Variants in TAF3 observed in about 807,000 individuals in gnomAD.
TAF3 encodes TATA-box binding protein associated factor 3.
In TAF3, 7 loss-of-function variants were observed where a neutral mutation model predicts 80.6. The observed-to-expected ratio is 0.09, with a 90% CI of 0.05 to 0.16. The LOEUF (loss-of-function observed/expected upper bound fraction) is 0.16. TAF3 is among the 10% of genes least tolerant of loss of function. The probability of loss-of-function intolerance (pLI) is 1.00; values close to 1 mark genes in which losing one functional copy is unlikely to be tolerated. For synonymous variants in TAF3, 444 were observed against 446.1 expected (o/e 1.00, Z 0.06); for missense variants, 921 against 1,140.2 (o/e 0.81, Z 2.77).
chr10:8,007,198 A>G (rs1055283150), intron 4 of TAF3, among the ~76,000 whole-genome samples: 2 of 152,222 alleles, frequency 1.3e-5, no homozygotes, highest in African/African-American at 4.8e-5. Context: ...GGAATACAAT[A>G]TAGTAATTAG....
At chr10:7,846,953 T>C (rs1450228296) in intron 2 of TAF3, among the ~76,000 whole-genome samples, 1 of 152,216 alleles carries the variant, frequency 6.6e-6, no homozygotes, top group African/African-American at 2.4e-5. Context: ...CAAGAATAGA[T>C]TAAAAAGGAC....
chr10:7,829,029 CAAAAAAAAAAAAAA>C (rs59969868), intron 2 of TAF3, among the ~76,000 whole-genome samples: 8 of 66,812 alleles, frequency 1.2e-4, no homozygotes, highest in Admixed American at 7.3e-4. Flanking sequence ...GACTCCGTCT[CAAAAAAAAAAAAAA>C]AAAAAAAAAA....
intron 2 of TAF3, among the ~76,000 whole-genome samples, chr10:7,937,092 G>A (rs1008504398): frequency 3.3e-5 from 5 of 152,234 alleles, no homozygotes; most frequent in East Asian, 3.9e-4. Flanking sequence ...CCAAATGAGC[G>A]ACCTCTTCAT....
At chr10:7,929,080 A>G (rs1366869400) in intron 2 of TAF3, among the ~76,000 whole-genome samples, 1 of 152,062 alleles carries the variant, frequency 6.6e-6, no homozygotes, top group African/African-American at 2.4e-5. Flanking sequence ...TTTTTAAGGG[A>G]GGTTTTTGCC....
intron 2 of TAF3, among the ~76,000 whole-genome samples, chr10:7,895,969 G>A (rs1837500444): frequency 6.6e-6 from 1 of 152,096 alleles, no homozygotes; most frequent in African/African-American, 2.4e-5. Flanking sequence ...TTCCAAGTTG[G>A]GCCAGTGACT....
intron 3 of TAF3, among the ~76,000 whole-genome samples, chr10:7,976,509 G>A (rs1831674344): frequency 6.7e-6 from 1 of 150,276 alleles, no homozygotes; most frequent in South Asian, 2.1e-4. Flanking sequence ...CCGCCTCCCG[G>A]GTTCACACCA....
chr10:7,971,219 T>C (rs1831618184), intron 3 of TAF3, among the ~76,000 whole-genome samples: 1 of 152,208 alleles, frequency 6.6e-6, no homozygotes, highest in South Asian at 2.1e-4. Context: ...ATATTTTAAA[T>C]AGTTATCAGA....
At chr10:7,879,297 T>C (rs1249619879) in intron 2 of TAF3, among the ~76,000 whole-genome samples, 1 of 152,158 alleles carries the variant, frequency 6.6e-6, no homozygotes, top group Non-Finnish European at 1.5e-5. Context: ...ATTACAAACT[T>C]ACCTATGAAA....
At chr10:7,978,857 C>A (rs1831697212) in intron 4 of TAF3, among the ~76,000 whole-genome samples, 1 of 152,118 alleles carries the variant, frequency 6.6e-6, no homozygotes, top group African/African-American at 2.4e-5. Flanking sequence ...TTGCTCATAC[C>A]CTTTAGAGGA....
chr10:7,838,929 G>GTTTTTTTTT (rs1554776018), intron 2 of TAF3, among the ~76,000 whole-genome samples: 2 of 88,336 alleles, frequency 2.3e-5, no homozygotes, highest in Admixed American at 1.4e-4. Flanking sequence ...TTTTTGGTTT[G>GTTTTTTTTT]TTTGTTTTGT....
chr10:7,922,040 C>T (rs1049115079), intron 2 of TAF3, among the ~76,000 whole-genome samples: 6 of 151,986 alleles, frequency 3.9e-5, no homozygotes, highest in African/African-American at 7.2e-5. Flanking sequence ...AGATTATGTT[C>T]GTATTTGTTT....
At chr10:7,998,977 A>T (rs1452249797) in intron 4 of TAF3, among the ~76,000 whole-genome samples, 1 of 152,206 alleles carries the variant, frequency 6.6e-6, no homozygotes, top group Non-Finnish European at 1.5e-5. Flanking sequence ...GGAAAACAGA[A>T]CAAAGCCTTC....
At chr10:7,862,628 C>T (rs1002568659) in intron 2 of TAF3, among the ~76,000 whole-genome samples, 3 of 152,138 alleles carry the variant, frequency 2.0e-5, no homozygotes, top group African/African-American at 4.8e-5. Context: ...ATGAAGATAT[C>T]CATCACCCTG....
chr10:7,882,833 G>A (rs764409064), intron 2 of TAF3, among the ~76,000 whole-genome samples: 14 of 152,140 alleles, frequency 9.2e-5, no homozygotes, highest in Non-Finnish European at 1.8e-4. Flanking sequence ...TACAAGAATA[G>A]CACAAAGAAT....
intron 2 of TAF3, among the ~76,000 whole-genome samples, chr10:7,953,656 A>G (rs955221949): frequency 2.6e-5 from 4 of 152,220 alleles, no homozygotes; most frequent in Admixed American, 6.5e-5. Flanking sequence ...ATTCCTGCCT[A>G]CCGTGTGAAC....
chr10:7,894,912 G>T lies in TAF3; in HGVS notation c.410-69008G>T, dbSNP rs187759101. 8.5e-5 allele frequency among the ~76,000 whole-genome samples: 13 copies of T among 152,124 alleles called. No individual in the cohort carries two copies. In the East Asian group the frequency reaches 1.4e-3, roughly 16 times the overall value. On this transcript the variant is annotated intron_variant, in intron 2 of 6. Coordinates refer to ENST00000344293, the MANE Select transcript of TAF3 (RefSeq NM_031923.4). The stretch of plus-strand genomic sequence containing the variant: ...GTGGATTTTTGGTTTTTGAGACTCT[G>T]CCACCCAGGCTGGAGTGCAGTGGCA...
intron 4 of TAF3, among the ~76,000 whole-genome samples, chr10:7,997,124 C>A (rs752965946): frequency 6.6e-6 from 1 of 152,140 alleles, no homozygotes; most frequent in Admixed American, 6.5e-5. Context: ...GTTTTTTCAT[C>A]GACCTGATTT....
chr10:8,002,013 G>T (rs1831949200), intron 4 of TAF3, among the ~76,000 whole-genome samples: 1 of 152,162 alleles, frequency 6.6e-6, no homozygotes, highest in Non-Finnish European at 1.5e-5. Context: ...TCGATCCTGT[G>T]AATGGCTATT....
At chr10:7,998,816 G>A (rs1044352315) in intron 4 of TAF3, among the ~76,000 whole-genome samples, 1 of 150,786 alleles carries the variant, frequency 6.6e-6, no homozygotes, top group Non-Finnish European at 1.5e-5. Flanking sequence ...TCCAGCCTGG[G>A]CAACAGAGTG....
Sources: gnomAD v4.1 joint callset for allele counts (sites outside exome capture counted in the v4.1 genomes callset) on GRCh38, gnomAD v4.1.1 for gene constraint, MANE v1.5 for transcripts, NCBI Gene and HGNC (gene_info 2026-07-23, HGNC 2026-07-21) for gene names.